The following MAP3K13 variants were observed in gnomAD, a reference collection of about 807,000 sequenced individuals.
MAP3K13 encodes the protein leucine zipper-bearing kinase.
In MAP3K13, 52 loss-of-function variants were observed where a neutral mutation model predicts 104.0. That is an observed-to-expected ratio of 0.50 (90% CI 0.40 to 0.63). The LOEUF (loss-of-function observed/expected upper bound fraction) is 0.63. Among genes scored for constraint, MAP3K13 ranks in the 20% least tolerant of loss-of-function variants. The pLI is 0.00. For missense variants in MAP3K13, 914 were observed against 1,218.5 expected (o/e 0.75, Z 3.72); for synonymous variants, 394 against 442.2 (o/e 0.89, Z 1.37).
intron 2 of MAP3K13, among the ~76,000 whole-genome samples, chr3:185,316,718 A>G (rs554629113): frequency 6.6e-6 from 1 of 152,294 alleles, no homozygotes; most frequent in East Asian, 1.9e-4. Context: ...CTTGGGAAAA[A>G]GCAATTTGAT....
chr3:185,335,368 C>T lies in MAP3K13; in HGVS notation c.-86+49725C>T, dbSNP rs1338128458. 4.6e-5 allele frequency among the ~76,000 whole-genome samples: 7 copies of T among 152,216 alleles called. No individual in the cohort carries two copies. In the Middle Eastern group the frequency reaches 0.014, roughly 296 times the overall value. ...TTGGATCCCCTTCCCTTCAACAACTCGAGTAAAGAAAACCCTTCTGCCCAA... is the reference window on the plus strand; with the variant it reads ...TTGGATCCCCTTCCCTTCAACAACTTGAGTAAAGAAAACCCTTCTGCCCAA... On this transcript the variant is annotated intron_variant, in intron 2 of 14. Coordinates refer to the MAP3K13 transcript ENST00000424227.
chr3:185,343,497 G>A lies in MAP3K13; in HGVS notation c.-86+57854G>A, dbSNP rs1722797005. 3.3e-5 allele frequency among the ~76,000 whole-genome samples: 5 copies of A among 152,162 alleles called. No homozygotes were observed. In the South Asian group the frequency reaches 8.3e-4, roughly 25 times the overall value. On this transcript the variant is annotated intron_variant, in intron 2 of 14. Transcript: ENST00000424227. ...GAGACGGCATCTCGCTCTGTCGCCA[G>A]GCTGGAGTGCAGTGGTGTGATCTTG...
At position 185,477,208 on chromosome 3, in the gene MAP3K13, C is replaced by T. The variant is rs540744321; in HGVS notation, c.2431-118C>T. 8.9e-5 allele frequency: 65 copies of T among 732,930 alleles called. No individual in the cohort carries two copies. The African/African-American group carries it at 1.0e-3, about 11-fold the overall frequency. The allele number at this position is 732,930 out of a possible 1,614,324, so 45.4% of individuals were successfully genotyped here. On this transcript the variant is annotated intron_variant, in intron 11 of 13. Coordinates refer to ENST00000265026, the MANE Select transcript of MAP3K13 (RefSeq NM_004721.5). ...ATGTTTAAAGATGACATTCAGCAAG[C>T]TACTACTAAATGAATGACTTTTGAT...
In MAP3K13 at chr3:185,417,755, G is replaced by A. The variant is rs1229042461; in HGVS notation, c.-85-10742G>A. The stretch of plus-strand genomic sequence containing the variant: ...CGGAGCTTGTGATTCCTGGCCTGGC[G>A]AAGAATGGTGTTCCGGCGCATGGTC... On this transcript the variant is annotated intron_variant, in intron 1 of 13. Coordinates refer to ENST00000265026, the MANE Select transcript of MAP3K13 (RefSeq NM_004721.5). 4.3e-6 allele frequency: 7 copies of A among 1,612,282 alleles called. No individual in the cohort carries two copies. The African/African-American group carries it at 5.3e-5, about 12-fold the overall frequency.
At chr3:185,306,637 T>C (rs1185013233) in intron 2 of MAP3K13, among the ~76,000 whole-genome samples, 1 of 152,196 alleles carries the variant, frequency 6.6e-6, no homozygotes, top group African/African-American at 2.4e-5. Flanking sequence ...ATTTGACTTT[T>C]GCTTGTTGAA....
intron 3 of MAP3K13, among the ~76,000 whole-genome samples, chr3:185,442,356 A>G (rs1715375283): frequency 6.6e-6 from 1 of 152,000 alleles, no homozygotes; most frequent in South Asian, 2.1e-4. Flanking sequence ...AAGATTATGT[A>G]AGATGGAAAA....
chr3:185,428,556 A>G lies in MAP3K13; in HGVS notation c.-26A>G, dbSNP rs1714557181. On this transcript the variant is annotated 5_prime_UTR_variant, in exon 2 of 14. Transcript: ENST00000265026. ...CCAAAAATCTTCTGAGTGTCATCTC[A>G]GGACTTTGGTTATACTCATGGCACG... is the stretch of plus-strand genomic sequence containing the variant. The G allele has an allele frequency of 1.3e-6, 2 of 1,537,480 alleles. No homozygotes were observed. Among genetic ancestry groups the G allele is most frequent in the Non-Finnish European group, 8.8e-7 (1 of 1,142,712 alleles).
intron 1 of MAP3K13, among the ~76,000 whole-genome samples, chr3:185,386,283 C>T (rs1391178511): frequency 2.0e-5 from 3 of 152,112 alleles, no homozygotes; most frequent in African/African-American, 7.2e-5. Context: ...CAAAAGAAGA[C>T]ATACATGTGG....
At chr3:185,319,471 C>T (rs557518017) in intron 2 of MAP3K13, among the ~76,000 whole-genome samples, 10 of 152,360 alleles carry the variant, frequency 6.6e-5, no homozygotes, top group African/African-American at 2.4e-4. Context: ...CTGGGGGCTT[C>T]TGCTGAACTA....
chr3:185,421,521 G>A (rs1347203485), intron 1 of MAP3K13, among the ~76,000 whole-genome samples: 1 of 152,086 alleles, frequency 6.6e-6, no homozygotes, highest in Non-Finnish European at 1.5e-5. Context: ...CTTTTGATAA[G>A]GGTGCCATTC....
At position 185,480,548 on chromosome 3, in the gene MAP3K13, T is replaced by C; in HGVS notation, c.2799+19T>C. On this transcript the variant is annotated intron_variant, in intron 13 of 13. Transcript: ENST00000265026. ...CTATGAGGTGGGGGCTTCTCCCTTCTCCTCCCATCACTGTTCCCTTTTTTG... is the reference window on the plus strand; with the variant it reads ...CTATGAGGTGGGGGCTTCTCCCTTCCCCTCCCATCACTGTTCCCTTTTTTG... The C allele has an allele frequency of 6.2e-7, 1 of 1,607,304 alleles. No homozygotes were observed. Among genetic ancestry groups the C allele is most frequent in the Non-Finnish European group, 8.5e-7 (1 of 1,175,770 alleles).
At chr3:185,452,250 G>T (rs1560114325) in intron 7 of MAP3K13, among the ~76,000 whole-genome samples, 3 of 151,968 alleles carry the variant, frequency 2.0e-5, no homozygotes, top group African/African-American at 4.8e-5. Flanking sequence ...TTGAGACAAG[G>T]TCTCACTCTG....
intron 7 of MAP3K13, among the ~76,000 whole-genome samples, chr3:185,455,012 T>C (rs1260509771): frequency 4.2e-5 from 4 of 96,370 alleles, no homozygotes; most frequent in African/African-American, 1.4e-4. Flanking sequence ...ATATGAGATA[T>C]ATATGATATA....
At chr3:185,451,082 T>G (rs1223173217) in intron 6 of MAP3K13, among the ~76,000 whole-genome samples, 1 of 152,080 alleles carries the variant, frequency 6.6e-6, no homozygotes, top group Non-Finnish European at 1.5e-5. Flanking sequence ...AGAGCGAGAC[T>G]CCGTCTCAAA....
At chr3:185,293,519 G>A (rs1419416378) in intron 2 of MAP3K13, among the ~76,000 whole-genome samples, 1 of 151,888 alleles carries the variant, frequency 6.6e-6, no homozygotes, top group Non-Finnish European at 1.5e-5. Flanking sequence ...GACCCACCAG[G>A]CTCAAGTGGT....
At chr3:185,453,853 A>ATATATATATGATACATATATAT (rs1716045634) in intron 7 of MAP3K13, among the ~76,000 whole-genome samples, 2 of 12,820 alleles carry the variant, frequency 1.6e-4, no homozygotes, top group African/African-American at 2.5e-4. Context: ...CATATATATG[A>ATATATATATGATACATATATAT]GATATATATA....
chr3:185,411,781 C>CTTTTTTTTTTTTTTTTTTTTTTTTTTT (rs67723912), intron 1 of MAP3K13, among the ~76,000 whole-genome samples: 1 of 94,058 alleles, frequency 1.1e-5, no homozygotes, highest in Non-Finnish European at 2.2e-5. Flanking sequence ...GCAGTTATGT[C>CTTTTTTTTTTTTTTTTTTTTTTTTTTT]TTTTTTTTTT....
At chr3:185,303,621 T>G (rs1721182719) in intron 2 of MAP3K13, among the ~76,000 whole-genome samples, 1 of 152,058 alleles carries the variant, frequency 6.6e-6, no homozygotes, top group Non-Finnish European at 1.5e-5. Context: ...TTATTCATAG[T>G]ACTCTCTTAC....
intron 2 of MAP3K13, among the ~76,000 whole-genome samples, chr3:185,319,752 C>G (rs1255515642): frequency 1.3e-5 from 2 of 152,182 alleles, no homozygotes; most frequent in East Asian, 3.8e-4. Flanking sequence ...TACCAACCTC[C>G]TAATTATGAA....
Sources: gnomAD v4.1 joint callset for allele counts (sites outside exome capture counted in the v4.1 genomes callset) on GRCh38, gnomAD v4.1.1 for gene constraint, MANE v1.5 for transcripts, NCBI Gene and HGNC (gene_info 2026-07-23, HGNC 2026-07-21) for gene names.